The following S100PBP variants were observed in gnomAD, a reference collection of about 807,000 sequenced individuals.
S100PBP encodes the protein S100P-binding protein.
In S100PBP, 15 loss-of-function variants were observed where a neutral mutation model predicts 39.9. That is an observed-to-expected ratio of 0.38 (90% CI 0.25 to 0.58). The LOEUF (loss-of-function observed/expected upper bound fraction) is 0.58. S100PBP is among the 20% of genes least tolerant of loss of function. The pLI, the probability that S100PBP is intolerant of heterozygous loss-of-function variation, is 0.70. For synonymous variants in S100PBP, 178 were observed against 180.3 expected (o/e 0.99, Z 0.10); for missense variants, 504 against 487.3 (o/e 1.03, Z -0.32).
chr1:32,839,183 T>A (rs1639978631), intron 5 of S100PBP, among the ~76,000 whole-genome samples: 1 of 152,226 alleles, frequency 6.6e-6, no homozygotes, highest in Admixed American at 6.5e-5. Context: ...TTTATGTGTT[T>A]ATGAATTTGA....
At chr1:32,821,977 A>C (rs1639089606) in intron 1 of S100PBP, among the ~76,000 whole-genome samples, 1 of 152,150 alleles carries the variant, frequency 6.6e-6, no homozygotes, top group East Asian at 1.9e-4. Flanking sequence ...AAAGATCTGA[A>C]ATTTTTAGAT....
intron 5 of S100PBP, among the ~76,000 whole-genome samples, chr1:32,832,041 TA>T (rs1639622270): frequency 6.6e-6 from 1 of 152,238 alleles, no homozygotes; most frequent in African/African-American, 2.4e-5. Context: ...CAGCATACTT[TA>T]GTGGTTGAGA....
intron 5 of S100PBP, among the ~76,000 whole-genome samples, chr1:32,847,994 G>A (rs1434667447): frequency 3.3e-5 from 5 of 152,060 alleles, no homozygotes; most frequent in Non-Finnish European, 1.5e-5. Flanking sequence ...CCGTAGAGCC[G>A]AACTACACGC....
At chr1:32,822,620 C>CAAA (rs922887705) in intron 1 of S100PBP, among the ~76,000 whole-genome samples, 15 of 77,742 alleles carry the variant, frequency 1.9e-4, no homozygotes, top group African/African-American at 4.2e-4. Flanking sequence ...GACTCCGTTT[C>CAAA]AAAAAAAAAA....
chr1:32,855,231 T>C (rs1335562220), intron 6 of S100PBP, among the ~76,000 whole-genome samples: 1 of 152,218 alleles, frequency 6.6e-6, no homozygotes, highest in Non-Finnish European at 1.5e-5. Context: ...CAAGAATCCA[T>C]ATCTGTATTT....
chr1:32,841,348 GAAGT>G (rs1640086147), intron 5 of S100PBP, among the ~76,000 whole-genome samples: 2 of 151,926 alleles, frequency 1.3e-5, no homozygotes, highest in Admixed American at 6.6e-5. Flanking sequence ...TAGTTTTGAT[GAAGT>G]AAGTTTGTTT....
upstream of S100PBP, chr1:32,817,002 T>C (rs1638760725): frequency 5.5e-6 from 4 of 731,832 alleles, no homozygotes; most frequent in East Asian, 1.1e-4. Flanking sequence ...CTGTGATTTC[T>C]GGGGAACCCA....
chr1:32,834,414 G>T (rs1322732468), intron 5 of S100PBP, among the ~76,000 whole-genome samples: 3 of 152,060 alleles, frequency 2.0e-5, no homozygotes, highest in Non-Finnish European at 4.4e-5. Context: ...TCTGAATTTT[G>T]TCTGTTTCTT....
At chr1:32,830,355 AT>A (rs3841608) in intron 5 of S100PBP, among the ~76,000 whole-genome samples, 32,646 of 152,024 alleles carry the variant, frequency 0.21, 3,681 homozygotes, top group African/African-American at 0.28. Context: ...TTTGCTAGGG[AT>A]TTTTTTGTCT....
chr1:32,819,206 G>C (rs983686958), intron 1 of S100PBP, among the ~76,000 whole-genome samples: 1 of 152,214 alleles, frequency 6.6e-6, no homozygotes, highest in Non-Finnish European at 1.5e-5. Context: ...TGGGGTCACA[G>C]AAAGGATGGG....
chr1:32,827,648 AT>A (rs1639390841), intron 3 of S100PBP, among the ~76,000 whole-genome samples: 1 of 151,966 alleles, frequency 6.6e-6, no homozygotes, highest in African/African-American at 2.4e-5. Context: ...TGCCCAGCTA[AT>A]TTTTGTATTT....
Position 32,828,025 on chromosome 1 carries a change from GA to G in S100PBP, c.867del (p.Gly290AlafsTer6). 6.2e-7 allele frequency: 1 copy of G among 1,611,812 alleles called. No homozygotes were observed. ...DVLNKDSGKM[K>X]GHERRLGKVI... ...TTCTTAACAAGGATTCTGGGAAGAT[GA>G]AAGGCCATGAGAGAAGACTAGGCAA... On this transcript the variant is annotated frameshift_variant, in exon 4 of 7. Transcript: ENST00000373475. LOFTEE classifies it high-confidence loss of function.
chr1:32,839,973 G>A (rs1460186489), intron 5 of S100PBP, among the ~76,000 whole-genome samples: 1 of 151,422 alleles, frequency 6.6e-6, no homozygotes, highest in Middle Eastern at 3.4e-3. Flanking sequence ...CACCACACCT[G>A]ACTAATTTTT....
At chr1:32,831,952 A>G (rs1303264021) in intron 5 of S100PBP, among the ~76,000 whole-genome samples, 1 of 152,196 alleles carries the variant, frequency 6.6e-6, no homozygotes, top group African/African-American at 2.4e-5. Flanking sequence ...TCTTTTCCCC[A>G]TTCAGCAGTT....
rs1640840291 is a variant in S100PBP, at chr1:32,857,065, T to C, written c.*1027T>C. 1 of 151,322 alleles carries C rather than the reference T, an allele frequency of 6.6e-6. No homozygotes were observed. Among genetic ancestry groups the C allele is most frequent in the Non-Finnish European group, 1.5e-5 (1 of 67,700 alleles). The allele number at this position is 151,322 out of a possible 1,614,324, so 9.4% of individuals were successfully genotyped here. ...AGTGTTAGTTAGGGAGCCTCCATTC[T>C]GTGGGAGAGTGTGGAAAGGCACTCT... On this transcript the variant is annotated 3_prime_UTR_variant, in exon 7 of 7. Transcript: ENST00000373475.
chr1:32,845,011 A>AT (rs1423386933), intron 5 of S100PBP, among the ~76,000 whole-genome samples: 2 of 132,626 alleles, frequency 1.5e-5, no homozygotes, highest in Non-Finnish European at 1.6e-5. Flanking sequence ...TTGTATTTTT[A>AT]TTATTTATTT....
intron 2 of S100PBP, 165 bp downstream of exon 2, chr1:32,825,594 T>C (rs7417323): frequency 1.3e-5 from 2 of 154,108 alleles, no homozygotes; most frequent in Non-Finnish European, 2.9e-5. Flanking sequence ...TGATAGTACA[T>C]ACAGATCTAC....
intron 5 of S100PBP, among the ~76,000 whole-genome samples, chr1:32,845,605 C>T (rs1640331054): frequency 6.6e-6 from 1 of 151,684 alleles, no homozygotes. Flanking sequence ...TTTCTATTTT[C>T]TCTAAGCATT....
intron 5 of S100PBP, among the ~76,000 whole-genome samples, chr1:32,849,575 C>G (rs1387221021): frequency 1.3e-5 from 2 of 152,164 alleles, no homozygotes; most frequent in Admixed American, 6.5e-5. Context: ...ATCTCTAGAT[C>G]ATTAAGTCTT....
Sources: allele counts gnomAD v4.1 joint callset (sites outside exome capture counted in the v4.1 genomes callset), GRCh38; gene constraint gnomAD v4.1.1; transcripts MANE v1.5; gene names NCBI Gene and HGNC (gene_info 2026-07-23, HGNC 2026-07-21).